ANKRD45: variants seen among roughly 807,000 people sequenced by gnomAD.
The protein encoded by ANKRD45 is ankyrin repeat domain-containing protein 45.
In ANKRD45, 21 loss-of-function variants were observed where a neutral mutation model predicts 28.1. The observed-to-expected ratio is 0.75, with a 90% CI of 0.53 to 1.08. The LOEUF (loss-of-function observed/expected upper bound fraction) is 1.08, where lower values mean the gene tolerates loss of function less well. Among genes scored for constraint, ANKRD45 ranks in the 50% least tolerant of loss-of-function variants. The probability of loss-of-function intolerance (pLI) is 0.00; values close to 1 mark genes in which losing one functional copy is unlikely to be tolerated. For synonymous variants in ANKRD45, 86 were observed against 103.9 expected (o/e 0.83, Z 1.05); for missense variants, 261 against 308.7 (o/e 0.85, Z 1.16).
the ANKRD45 span, among the ~76,000 whole-genome samples, chr1:173,704,121 T>A: frequency 1.3e-5 from 2 of 152,172 alleles, no homozygotes; most frequent in Non-Finnish European, 2.9e-5. Flanking sequence ...CCTTTTCAAC[T>A]TCAAGCAAGG....
chr1:173,691,019 A>T, the ANKRD45 span, among the ~76,000 whole-genome samples: 1 of 152,124 alleles, frequency 6.6e-6, no homozygotes, highest in Non-Finnish European at 1.5e-5. Flanking sequence ...GTGAGGTTCA[A>T]TCCCCCCCAG....
At chr1:173,711,816 G>A in the ANKRD45 span, among the ~76,000 whole-genome samples, 4 of 152,090 alleles carry the variant, frequency 2.6e-5, no homozygotes, top group African/African-American at 9.7e-5. Flanking sequence ...AATAAAAAGG[G>A]TTGATTCACA....
intron 5 of ANKRD45, among the ~76,000 whole-genome samples, chr1:173,618,570 G>A (rs573629907): frequency 1.6e-4 from 24 of 152,174 alleles, no homozygotes; most frequent in Non-Finnish European, 2.9e-4. Context: ...TTTGAAATAG[G>A]AAGACAAGAA....
At chr1:173,689,969 G>C in the ANKRD45 span, among the ~76,000 whole-genome samples, 1 of 149,250 alleles carries the variant, frequency 6.7e-6, no homozygotes, top group African/African-American at 2.5e-5. Context: ...CTAAGAATTG[G>C]TCAATTTGGT....
chr1:173,610,094 G>C lies in ANKRD45; in HGVS notation c.*51C>G. The C allele has an allele frequency of 6.5e-7, 1 of 1,539,172 alleles. No individual in the cohort carries two copies. Among genetic ancestry groups the C allele is most frequent in the Non-Finnish European group, 9.0e-7 (1 of 1,116,124 alleles). The stretch of plus-strand genomic sequence containing the variant: ...TCTCGATTTCAAATGGCATGAATAG[G>C]TTTGCCTTTCAGATACTAAAAGAAA... On this transcript the variant is annotated 3_prime_UTR_variant, in exon 6 of 6. Coordinates refer to ENST00000333279, the MANE Select transcript of ANKRD45 (RefSeq NM_198493.3).
chr1:173,636,932 A>T, intron 3 of ANKRD45: 2 of 1,535,832 alleles, frequency 1.3e-6, no homozygotes, highest in Non-Finnish European at 1.7e-6. Flanking sequence ...AGCATCAGTG[A>T]TATACAAGAT....
chr1:173,693,164 G>T, the ANKRD45 span, among the ~76,000 whole-genome samples: 1 of 152,026 alleles, frequency 6.6e-6, no homozygotes, highest in Non-Finnish European at 1.5e-5. Context: ...GCCAGGCATG[G>T]TGGCAAGTGC....
the ANKRD45 span, among the ~76,000 whole-genome samples, chr1:173,711,127 G>T: frequency 6.6e-6 from 1 of 152,190 alleles, no homozygotes; most frequent in Non-Finnish European, 1.5e-5. Flanking sequence ...TATAATTTTT[G>T]ATTGAAAAAC....
At chr1:173,701,526 G>A in the ANKRD45 span, among the ~76,000 whole-genome samples, 16 of 152,168 alleles carry the variant, frequency 1.1e-4, no homozygotes, top group Non-Finnish European at 1.6e-4. Context: ...ATAGGGACAC[G>A]GATGAAGCTG....
the ANKRD45 span, among the ~76,000 whole-genome samples, chr1:173,695,326 G>A: frequency 6.6e-6 from 1 of 152,122 alleles, no homozygotes; most frequent in East Asian, 1.9e-4. Context: ...GTACCCAATA[G>A]GTAGTTTTTC....
intron 3 of ANKRD45, among the ~76,000 whole-genome samples, chr1:173,636,342 C>G (rs1488135098): frequency 6.6e-6 from 1 of 152,144 alleles, no homozygotes; most frequent in African/African-American, 2.4e-5. Context: ...TAAACTATTA[C>G]ATAATTTCCC....
At chr1:173,689,713 A>G in the ANKRD45 span, among the ~76,000 whole-genome samples, 1 of 152,004 alleles carries the variant, frequency 6.6e-6, no homozygotes, top group Non-Finnish European at 1.5e-5. Context: ...CAGGGTACTT[A>G]TTCCCAAATT....
At chr1:173,708,641 CTGTT>C in the ANKRD45 span, among the ~76,000 whole-genome samples, 15 of 152,332 alleles carry the variant, frequency 9.8e-5, 1 homozygote, top group South Asian at 3.1e-3. Flanking sequence ...TTATGGGGCA[CTGTT>C]ATCTTTATGA....
intron 2 of ANKRD45, among the ~76,000 whole-genome samples, chr1:173,651,106 G>GT: frequency 6.6e-6 from 1 of 152,010 alleles, no homozygotes; most frequent in Non-Finnish European, 1.5e-5. Context: ...ATTAGATACT[G>GT]TTTGTCGATT....
At chr1:173,618,602 G>T (rs1004489138) in intron 5 of ANKRD45, among the ~76,000 whole-genome samples, 1 of 152,116 alleles carries the variant, frequency 6.6e-6, no homozygotes, top group African/African-American at 2.4e-5. Flanking sequence ...AGAATGAAAA[G>T]GAATGAACAA....
intron 3 of ANKRD45, among the ~76,000 whole-genome samples, chr1:173,628,479 A>G (rs936596535): frequency 6.6e-6 from 1 of 152,116 alleles, no homozygotes; most frequent in Middle Eastern, 3.2e-3. Flanking sequence ...TCAAGTGAAT[A>G]CCAGCAGTAG....
intron 5 of ANKRD45, among the ~76,000 whole-genome samples, chr1:173,618,109 C>T (rs1464731290): frequency 6.6e-6 from 1 of 152,038 alleles, no homozygotes; most frequent in Non-Finnish European, 1.5e-5. Flanking sequence ...GCAGCAGCAT[C>T]AACAAAAAAG....
chr1:173,709,211 A>C, the ANKRD45 span, among the ~76,000 whole-genome samples: 3 of 152,170 alleles, frequency 2.0e-5, no homozygotes, highest in Non-Finnish European at 4.4e-5. Flanking sequence ...TTCAACTGGG[A>C]AAAGATTCAC....
intron 3 of ANKRD45, among the ~76,000 whole-genome samples, chr1:173,637,979 G>A (rs1046246541): frequency 2.0e-5 from 3 of 152,162 alleles, no homozygotes; most frequent in Non-Finnish European, 4.4e-5. Flanking sequence ...GCAACGCAGG[G>A]AAAGAGAGAG....
Sources: gnomAD v4.1 joint callset for allele counts (sites outside exome capture counted in the v4.1 genomes callset) on GRCh38, gnomAD v4.1.1 for gene constraint, MANE v1.5 for transcripts, NCBI Gene and HGNC (gene_info 2026-07-23, HGNC 2026-07-21) for gene names.